Variants in HELB observed in about 807,000 individuals in gnomAD.
The protein encoded by HELB is DNA 5'-3' helicase B.
A neutral mutation model predicts 101.7 loss-of-function variants in HELB; 96 were observed. The ratio of observed to expected loss-of-function variants is 0.94; its 90% CI spans 0.80 to 1.12. The LOEUF is 1.12. Ranked by LOEUF, HELB falls within the 50% of genes most tolerant of loss-of-function variation. The pLI is 0.00. For synonymous variants in HELB, 437 were observed against 459.7 expected, an observed-to-expected ratio of 0.95 and a Z score of 0.63; for missense variants, 1,210 against 1,291.9, an observed-to-expected ratio of 0.94 and a Z score of 0.97.
At chr12:66,324,455 A>C in intron 10 of HELB, 1 of 356,016 alleles carries the variant, frequency 2.8e-6, no homozygotes, top group Non-Finnish European at 5.1e-6. Context: ...GCTTCTTCTT[A>C]TATTTTCTAG....
intron 12 of HELB, among the ~76,000 whole-genome samples, 165 bp from the exon 13 acceptor site, chr12:66,337,836 T>C (rs2053882811): frequency 6.6e-6 from 1 of 152,224 alleles, no homozygotes; most frequent in African/African-American, 2.4e-5. Flanking sequence ...AAAGCAGATG[T>C]GATCCTACAA....
chr12:66,323,154 C>G (rs535209017), intron 9 of HELB, among the ~76,000 whole-genome samples: 7 of 152,164 alleles, frequency 4.6e-5, no homozygotes, highest in African/African-American at 1.7e-4. Context: ...GAGTGTCTGT[C>G]TATCAGAGAA....
chr12:66,337,994 C>G lies in HELB; in HGVS notation c.3163-7C>G, dbSNP rs762276864. ...AATTAACTTTGTTATTTTAATTGTT[C>G]TAACAGGTGGGAGAATCTCCACAAG... On this transcript the variant is annotated splice_polypyrimidine_tract_variant and splice_region_variant and intron_variant, in intron 12 of 12. Coordinates refer to ENST00000247815, the MANE Select transcript of HELB (RefSeq NM_001370285.1). 5.4e-5 allele frequency: 80 copies of G among 1,481,920 alleles called. No homozygotes were observed. In the Middle Eastern group the frequency reaches 7.2e-4, roughly 13 times the overall value. 91.8% of individuals were successfully genotyped at this position (1,481,920 alleles called of 1,614,324 possible).
At chr12:66,303,290 A>G (rs980183108) in intron 1 of HELB, among the ~76,000 whole-genome samples, 4 of 152,010 alleles carry the variant, frequency 2.6e-5, no homozygotes, top group African/African-American at 7.2e-5. Flanking sequence ...TTATTATCCT[A>G]TATTGCCTGG....
intron 3 of HELB, among the ~76,000 whole-genome samples, chr12:66,307,164 A>G (rs941330871): frequency 6.6e-6 from 1 of 152,196 alleles, no homozygotes; most frequent in South Asian, 2.1e-4. Context: ...AACTCTGAGA[A>G]AATTCTTGGA....
At chr12:66,319,437 C>T (rs980953559) in intron 7 of HELB, among the ~76,000 whole-genome samples, 2 of 152,050 alleles carry the variant, frequency 1.3e-5, no homozygotes, top group African/African-American at 4.8e-5. Context: ...GGAGCTATTA[C>T]GAGGGTTGAG....
chr12:66,325,222 C>A, intron 11 of HELB, 96 bp downstream of exon 11: 1 of 786,794 alleles, frequency 1.3e-6, no homozygotes, highest in Non-Finnish European at 2.1e-6. Context: ...TATTAGCAAA[C>A]AAAAATTAGG....
rs146326986 is a variant in HELB at position 66,335,165 on chromosome 12, G to A, written c.3163-2836G>A. 1.2e-3 allele frequency among the ~76,000 whole-genome samples: 183 copies of A among 152,262 alleles called. 2 individuals are homozygous for A. Among genetic ancestry groups the A allele is most frequent in the Middle Eastern group, 6.8e-3 (2 of 294 alleles). ...TAAGTTACTAATTGGAAATGTACCT[G>A]GACTTGTTGAGTAAGTCCGTGGTTG... On this transcript the variant is annotated intron_variant, in intron 12 of 12. Transcript: ENST00000247815.
rs191467977 is a variant in HELB at position 66,322,010 on chromosome 12, C to A, written c.2218C>A (p.Gln740Lys). 1 of 1,154,518 alleles carries A rather than the reference C, an allele frequency of 8.7e-7. No homozygotes were observed. Among genetic ancestry groups the A allele is most frequent in the Non-Finnish European group, 1.3e-6 (1 of 793,578 alleles). The allele number at this position is 1,154,518 out of a possible 1,614,324, so 71.5% of individuals were successfully genotyped here. A position where few individuals can be genotyped will look rare whatever the true frequency, so the allele number is the denominator to read the frequency against. Residue 740 changes from glutamine to lysine, a missense_variant, in exon 8 of 13, where the codon CAA (glutamine) becomes AAA (lysine). Physicochemically the swap from Gln to Lys is moderately conservative, Grantham distance 53. Coordinates refer to ENST00000247815, the MANE Select transcript of HELB (RefSeq NM_001370285.1). The stretch of plus-strand genomic sequence containing the variant: ...TAACTTACAAAATGCAAAAACATCA[C>A]AATTTATTGCATTTAGAAGGTAAAG... ...ENNLQNAKTS[Q>K]FIAFRRQDCD...
intron 12 of HELB, among the ~76,000 whole-genome samples, chr12:66,334,135 G>A (rs1294329007): frequency 6.6e-6 from 1 of 152,056 alleles, no homozygotes; most frequent in Non-Finnish European, 1.5e-5. Context: ...ACTCCAGCCT[G>A]GGTGACAGAG....
In HELB at chr12:66,305,151, G is replaced by GT; in HGVS notation, c.607+2dup. On this transcript the variant is annotated splice_donor_variant, in intron 2 of 12. Transcript: ENST00000247815. LOFTEE classifies it high-confidence loss of function. ...ATGAGTCTTCCTCTGGAAAACACAA[G>GT]TAAGTGTGATTTTTATCATCAACTT... 6.6e-7 allele frequency: 1 copy of GT among 1,519,246 alleles called. No individual in the cohort carries two copies. The highest frequency in any genetic ancestry group is 1.4e-5 in the African/African-American group (1 of 71,456). 94.1% of individuals were successfully genotyped at this position (1,519,246 alleles called of 1,614,324 possible).
chr12:66,336,678 G>A (rs1194434755), intron 12 of HELB, among the ~76,000 whole-genome samples: 2 of 152,060 alleles, frequency 1.3e-5, no homozygotes, highest in Non-Finnish European at 2.9e-5. Context: ...CACAGGGCAC[G>A]GTGTGTGGAG....
At chr12:66,302,863 G>T in intron 1 of HELB, 73 bp downstream of exon 1, 3 of 1,329,640 alleles carry the variant, frequency 2.3e-6, no homozygotes, top group South Asian at 1.4e-5. Context: ...GCTTTGCCCT[G>T]AGCAAGGCAC....
chr12:66,324,742 T>C (rs1401701156), intron 10 of HELB, among the ~76,000 whole-genome samples: 1 of 152,204 alleles, frequency 6.6e-6, no homozygotes, highest in Non-Finnish European at 1.5e-5. Context: ...CAGGCTGTTC[T>C]TCACAGAGTC....
At chr12:66,334,702 C>A (rs2053847260) in intron 12 of HELB, among the ~76,000 whole-genome samples, 1 of 151,098 alleles carries the variant, frequency 6.6e-6, no homozygotes, top group Non-Finnish European at 1.5e-5. Flanking sequence ...TCACCTGACC[C>A]CAGGAGGTTG....
In HELB at chr12:66,324,303, T is replaced by C. The variant is rs188185555; in HGVS notation, c.2526+92T>C. 11 of 898,514 alleles carry C rather than the reference T, an allele frequency of 1.2e-5. No homozygotes were observed. The African/African-American group carries it at 1.5e-4, about 12-fold the overall frequency. 55.7% of individuals were successfully genotyped at this position (898,514 alleles called of 1,614,324 possible). Reference sequence around the variant, plus strand: ...AGGATTCATTCAGAATCTAATGATATCAGTTGACATTCTTGTTTCATGATT... The same window carrying C: ...AGGATTCATTCAGAATCTAATGATACCAGTTGACATTCTTGTTTCATGATT... On this transcript the variant is annotated intron_variant, in intron 10 of 12. Coordinates refer to ENST00000247815, the MANE Select transcript of HELB (RefSeq NM_001370285.1).
rs571513490 is a variant in HELB at position 66,319,322 on chromosome 12, G to A, written c.2155+530G>A. On this transcript the variant is annotated intron_variant, in intron 7 of 12. Coordinates refer to ENST00000247815, the MANE Select transcript of HELB (RefSeq NM_001370285.1). ...TGGATGTTAGGATGACAATAGGACA[G>A]GGTTGAGAAAGAGTGTGGGACAGGA... Among the ~76,000 whole-genome samples, 41 of 152,318 alleles carry A rather than the reference G, an allele frequency of 2.7e-4. No homozygotes were observed. The South Asian group carries it at 8.5e-3, about 32-fold the overall frequency.
rs890462965 is a variant in HELB at position 66,329,702 on chromosome 12, G to A, written c.2671-1452G>A. On this transcript the variant is annotated intron_variant, in intron 11 of 12. Transcript: ENST00000247815. The stretch of plus-strand genomic sequence containing the variant: ...CATGAGGATGATGGATTGGGCAAGA[G>A]AAGGTACAGGGAGACTGATAATGAG... 2.6e-5 allele frequency among the ~76,000 whole-genome samples: 4 copies of A among 152,256 alleles called. No homozygotes were observed. The East Asian group carries it at 5.8e-4, about 22-fold the overall frequency.
rs113623056 is a variant in HELB, at chr12:66,316,950, C to T, written c.2000+1567C>T. Among the ~76,000 whole-genome samples, 383 of 144,824 alleles carry T rather than the reference C, an allele frequency of 2.6e-3. 4 individuals carry two copies. Among genetic ancestry groups the T allele is most frequent in the African/African-American group, 8.3e-3 (323 of 38,916 alleles). ...AGGAGAATGGCATGAACCTGGAAGG[C>T]GGAGATTGCAGTGAGCCGAGATCAT... On this transcript the variant is annotated intron_variant, in intron 6 of 12. Transcript: ENST00000247815.
Sources: gnomAD v4.1 joint callset for allele counts (sites outside exome capture counted in the v4.1 genomes callset) on GRCh38, gnomAD v4.1.1 for gene constraint, MANE v1.5 for transcripts, NCBI Gene and HGNC (gene_info 2026-07-23, HGNC 2026-07-21) for gene names.